Variants in RNF19A observed in about 807,000 individuals in gnomAD.
The protein encoded by RNF19A is ring finger protein 19A, RBR E3 ubiquitin protein ligase, also known as E3 ubiquitin-protein ligase RNF19A.
In RNF19A, 32 loss-of-function variants were observed where a neutral mutation model predicts 75.7. That is an observed-to-expected ratio of 0.42 (90% CI 0.32 to 0.57). The LOEUF (loss-of-function observed/expected upper bound fraction) is 0.57. Ranked by LOEUF, RNF19A falls within the 20% of genes least tolerant of loss-of-function variation. RNF19A has a pLI of 0.10. For synonymous variants in RNF19A, 335 were observed against 345.2 expected (o/e 0.97, Z 0.33); for missense variants, 782 against 1,036.3 (o/e 0.75, Z 3.37).
At chr8:100,288,498 G>A in intron 1 of RNF19A, among the ~76,000 whole-genome samples, 1 of 152,220 alleles carries the variant, frequency 6.6e-6, no homozygotes, top group Admixed American at 6.5e-5. Flanking sequence ...GAGCTGACCA[G>A]AAAAAACTTC....
intron 1 of RNF19A, among the ~76,000 whole-genome samples, chr8:100,290,409 C>T (rs1031247277): frequency 6.6e-6 from 1 of 152,142 alleles, no homozygotes; most frequent in Non-Finnish European, 1.5e-5. Context: ...GCCAAACTTT[C>T]TTAATATGTG....
chr8:100,268,782 T>C lies in RNF19A; in HGVS notation c.1191+3A>G. 6.5e-7 allele frequency: 1 copy of C among 1,544,558 alleles called. No homozygotes were observed. The highest frequency in any genetic ancestry group is 8.8e-7 in the Non-Finnish European group (1 of 1,139,714). ...ATGGACTAACAAGAAGTATGCATTTTACCTTGCGGCCCACATACACAGGAA... is the reference window on the plus strand; with the variant it reads ...ATGGACTAACAAGAAGTATGCATTTCACCTTGCGGCCCACATACACAGGAA... On this transcript the variant is annotated splice_donor_region_variant and intron_variant, in intron 5 of 9. Coordinates refer to ENST00000341084, the MANE Select transcript of RNF19A (RefSeq NM_183419.4).
At chr8:100,276,268 T>C (rs749498939) in intron 2 of RNF19A, among the ~76,000 whole-genome samples, 12 of 152,172 alleles carry the variant, frequency 7.9e-5, no homozygotes, top group Admixed American at 3.3e-4. Context: ...AAAGAAAGTA[T>C]TGATGCAAGT....
intron 1 of RNF19A, among the ~76,000 whole-genome samples, chr8:100,294,596 T>TCGG (rs1278650269): frequency 1.1e-5 from 1 of 92,194 alleles, no homozygotes; most frequent in East Asian, 2.4e-4. Flanking sequence ...CCCTGATACT[T>TCGG]CAAGCCAGTA....
intron 1 of RNF19A, among the ~76,000 whole-genome samples, chr8:100,290,141 G>A (rs1319008603): frequency 2.0e-5 from 3 of 152,180 alleles, no homozygotes; most frequent in Admixed American, 1.3e-4. Context: ...TTGAGACACA[G>A]TCTGTGTCTG....
At chr8:100,271,684 C>T (rs1309203514) in intron 3 of RNF19A, among the ~76,000 whole-genome samples, 1 of 152,098 alleles carries the variant, frequency 6.6e-6, no homozygotes, top group Non-Finnish European at 1.5e-5. Context: ...TTTGATAGGT[C>T]TCTATATACT....
At chr8:100,307,956 A>C (rs1822127255) in intron 1 of RNF19A, among the ~76,000 whole-genome samples, 1 of 152,186 alleles carries the variant, frequency 6.6e-6, no homozygotes, top group South Asian at 2.1e-4. Context: ...TTGTTTAAAA[A>C]TCCCAACACT....
At position 100,264,173 on chromosome 8, in the gene RNF19A, T is replaced by C. The variant is rs1188210345; in HGVS notation, c.1329A>G (p.Leu443=). The change falls in exon 7 of 10, where the codon TTA becomes TTG. Residue 443 remains leucine, a synonymous_variant. Coordinates refer to ENST00000341084, the MANE Select transcript of RNF19A (RefSeq NM_183419.4). This position sits in a 1 kb window ranked among gnomAD's most constrained non-coding sequence, Gnocchi z 4.7. ...TTGGAACTACGCCATAGACATAAGC[T>C]AACATAATAGGAACACCGATACCTA... The part of the protein sequence containing the change: ...VTVGIGVPIM[L]AYVYGVVPIS... 6.2e-7 allele frequency: 1 copy of C among 1,612,672 alleles called. No individual in the cohort carries two copies. Among genetic ancestry groups the C allele is most frequent in the African/African-American group, 1.3e-5 (1 of 74,834 alleles).
chr8:100,316,918 C>T (rs924914263), intron 1 of RNF19A, among the ~76,000 whole-genome samples: 3 of 152,222 alleles, frequency 2.0e-5, no homozygotes, highest in African/African-American at 7.2e-5. Flanking sequence ...AGCCCTGCCC[C>T]GCGGGAAGGC....
intron 1 of RNF19A, among the ~76,000 whole-genome samples, chr8:100,300,872 C>T (rs370155023): frequency 1.3e-5 from 2 of 152,174 alleles, no homozygotes; most frequent in Admixed American, 6.5e-5. Context: ...AGTGAAAAGG[C>T]TACAAATTCT....
chr8:100,262,807 G>A (rs115321018), intron 7 of RNF19A, among the ~76,000 whole-genome samples: 302 of 152,258 alleles, frequency 2.0e-3, no homozygotes, highest in African/African-American at 6.7e-3. Flanking sequence ...GAAGGACAAC[G>A]AAGAGAGTAA....
intron 1 of RNF19A, among the ~76,000 whole-genome samples, chr8:100,301,870 T>C (rs1176939034): frequency 6.6e-6 from 1 of 152,150 alleles, no homozygotes; most frequent in Non-Finnish European, 1.5e-5. Flanking sequence ...ACAGTCTCAT[T>C]GAAAGGGTGG....
intron 1 of RNF19A, among the ~76,000 whole-genome samples, chr8:100,307,378 T>C (rs1480659983): frequency 6.6e-6 from 1 of 152,160 alleles, no homozygotes; most frequent in Non-Finnish European, 1.5e-5. Flanking sequence ...TGCCTTCTTT[T>C]CCCTACTTGG....
Position 100,269,055 on chromosome 8 carries a change from A to G in RNF19A, c.1029-108T>C. ...TTTTTAAAAACTTCTCATAGTTAGG[A>G]GCTTTTTTCCCCTTTAAATTCTGAG... On this transcript the variant is annotated intron_variant, in intron 4 of 9. Coordinates refer to ENST00000341084, the MANE Select transcript of RNF19A (RefSeq NM_183419.4). This position sits in a 1 kb window ranked among gnomAD's most constrained non-coding sequence, Gnocchi z 5.7. 1.3e-6 allele frequency: 1 copy of G among 785,246 alleles called. No homozygotes were observed. Among genetic ancestry groups the G allele is most frequent in the Non-Finnish European group, 1.8e-6 (1 of 541,262 alleles). 48.6% of individuals were successfully genotyped at this position (785,246 alleles called of 1,614,324 possible).
At chr8:100,283,622 G>A (rs900651461) in intron 2 of RNF19A, among the ~76,000 whole-genome samples, 1 of 152,128 alleles carries the variant, frequency 6.6e-6, no homozygotes, top group South Asian at 2.1e-4. Context: ...ATGGAAACCA[G>A]GTCAGGTAGA....
Position 100,330,030 on chromosome 8 carries a change from G to A in RNF19A, c.-243+6078C>T, listed in dbSNP as rs1006951068. On this transcript the variant is annotated intron_variant, in intron 1 of 3. Coordinates refer to the RNF19A transcript ENST00000519527. This position sits in a 1 kb window ranked among gnomAD's most constrained non-coding sequence, Gnocchi z 4.1. ...TTTTTTGTGGGGGAGGCAGTGGGAGGAGGCTTATAGGAGAGGTGGGGGAAG... is the reference window on the plus strand; with the variant it reads ...TTTTTTGTGGGGGAGGCAGTGGGAGAAGGCTTATAGGAGAGGTGGGGGAAG... Among the ~76,000 whole-genome samples the A allele has an allele frequency of 6.6e-6, 1 of 152,134 alleles. No homozygotes were observed. The highest frequency in any genetic ancestry group is 2.4e-5 in the African/African-American group (1 of 41,420).
rs1822510344 is a variant in RNF19A at position 100,324,877 on chromosome 8, TTTTC to T, written c.-243+11227_-243+11230del. Among the ~76,000 whole-genome samples, 1 of 120,766 alleles carries T rather than the reference TTTTC, an allele frequency of 8.3e-6. No individual in the cohort carries two copies. 79.2% of individuals were successfully genotyped at this position (120,766 alleles called of 152,430 possible). On this transcript the variant is annotated intron_variant, in intron 1 of 3. Coordinates refer to the RNF19A transcript ENST00000519527. The surrounding 1 kb of genome is among the most constrained non-coding windows in gnomAD (Gnocchi z 4.2). The stretch of plus-strand genomic sequence containing the variant: ...TCCTTCCTTTCTCTCTTTCTCTTTT[TTTTC>T]TTTCTTTCTCTCTCTCTCTTTCTCT...
intron 2 of RNF19A, among the ~76,000 whole-genome samples, chr8:100,279,402 C>T (rs1444748939): frequency 1.3e-5 from 2 of 152,044 alleles, no homozygotes; most frequent in Non-Finnish European, 2.9e-5. Flanking sequence ...TAAGCAGAAT[C>T]TTACTCCGTC....
intron 1 of RNF19A, among the ~76,000 whole-genome samples, chr8:100,300,841 G>C (rs1563863385): frequency 6.6e-6 from 1 of 152,116 alleles, no homozygotes; most frequent in Non-Finnish European, 1.5e-5. Context: ...AGTCTTTTAA[G>C]TAAGTCAAGA....
Sources: gnomAD v4.1 joint callset for allele counts (sites outside exome capture counted in the v4.1 genomes callset) on GRCh38, gnomAD v4.1.1 for gene constraint, Gnocchi (gnomAD v3.1) non-coding constraint, MANE v1.5 for transcripts, NCBI Gene and HGNC (gene_info 2026-07-23, HGNC 2026-07-21) for gene names.